ZNF804A: variants seen among roughly 807,000 people sequenced by gnomAD.
ZNF804A encodes zinc finger protein 804A.
Under a neutral mutation model 16.5 loss-of-function variants are expected in ZNF804A, and 2 were observed. The observed-to-expected ratio is 0.12, with a 90% CI of 0.05 to 0.38. The LOEUF is 0.38. ZNF804A is among the 10% of genes least tolerant of loss of function. The pLI is 0.99. For synonymous variants in ZNF804A, 534 were observed against 489.6 expected, an observed-to-expected ratio of 1.09 and a Z score of -1.20; for missense variants, 1,473 against 1,390.7, an observed-to-expected ratio of 1.06 and a Z score of -0.94.
intron 1 of ZNF804A, among the ~76,000 whole-genome samples, chr2:184,725,338 T>C (rs1693390714): frequency 6.6e-6 from 1 of 151,742 alleles, no homozygotes; most frequent in South Asian, 2.1e-4. Flanking sequence ...AGCATCAGTA[T>C]GATCTTCTCT....
intron 2 of ZNF804A, among the ~76,000 whole-genome samples, chr2:184,911,036 A>T (rs2105831819): frequency 6.6e-6 from 1 of 152,180 alleles, no homozygotes; most frequent in East Asian, 1.9e-4. Context: ...GGACTTAGTC[A>T]TAAATTCTTT....
chr2:184,677,391 G>A (rs1425712960), intron 1 of ZNF804A, among the ~76,000 whole-genome samples: 1 of 151,842 alleles, frequency 6.6e-6, no homozygotes, highest in Non-Finnish European at 1.5e-5. Context: ...TCAGAATTGG[G>A]TAAATTGCTC....
chr2:184,776,363 G>C (rs566349738), intron 1 of ZNF804A, among the ~76,000 whole-genome samples: 1 of 151,538 alleles, frequency 6.6e-6, no homozygotes, highest in South Asian at 2.1e-4. Flanking sequence ...GACGGCAACA[G>C]TATAGATAGA....
intron 1 of ZNF804A, among the ~76,000 whole-genome samples, chr2:184,775,567 T>C (rs1694273450): frequency 6.6e-6 from 1 of 151,694 alleles, no homozygotes; most frequent in Admixed American, 6.6e-5. Context: ...CCTGAGCCAA[T>C]TTTGGTAAAT....
chr2:184,602,217 C>A (rs1691061502), intron 1 of ZNF804A, among the ~76,000 whole-genome samples: 1 of 151,912 alleles, frequency 6.6e-6, no homozygotes, highest in Non-Finnish European at 1.5e-5. Context: ...AAATATATTC[C>A]TTTTGCCAAT....
chr2:184,871,017 G>A (rs757173982), intron 2 of ZNF804A, among the ~76,000 whole-genome samples: 8 of 151,110 alleles, frequency 5.3e-5, no homozygotes, highest in Non-Finnish European at 8.8e-5. Flanking sequence ...TGATTTAAGA[G>A]CAAATAACAC....
chr2:184,662,815 A>G (rs999704828), intron 1 of ZNF804A, among the ~76,000 whole-genome samples: 6 of 152,222 alleles, frequency 3.9e-5, no homozygotes, highest in Non-Finnish European at 8.8e-5. Flanking sequence ...ATGTTATGCC[A>G]CCTAACCTTG....
chr2:184,784,478 T>C (rs1694419546), intron 1 of ZNF804A, among the ~76,000 whole-genome samples: 1 of 151,932 alleles, frequency 6.6e-6, no homozygotes. Context: ...TCAAAAGGTT[T>C]TGTTGGTTTG....
At chr2:184,783,151 T>TTTG (rs1182320884) in intron 1 of ZNF804A, among the ~76,000 whole-genome samples, 2 of 143,630 alleles carry the variant, frequency 1.4e-5, no homozygotes, top group Non-Finnish European at 3.1e-5. Flanking sequence ...TTTTTTTTTT[T>TTTG]TTTTTTTTTT....
At chr2:184,646,590 C>A (rs1284545267) in intron 1 of ZNF804A, among the ~76,000 whole-genome samples, 1 of 152,204 alleles carries the variant, frequency 6.6e-6, no homozygotes, top group African/African-American at 2.4e-5. Flanking sequence ...AGCACCTGCT[C>A]ACTTAGATCA....
At chr2:184,861,622 A>G (rs2105808948) in intron 1 of ZNF804A, among the ~76,000 whole-genome samples, 1 of 152,296 alleles carries the variant, frequency 6.6e-6, no homozygotes, top group South Asian at 2.1e-4. Flanking sequence ...TCCCTCAGAG[A>G]GCTCACACTT....
chr2:184,926,885 C>T (rs1200081271), intron 2 of ZNF804A, among the ~76,000 whole-genome samples: 1 of 152,104 alleles, frequency 6.6e-6, no homozygotes, highest in Non-Finnish European at 1.5e-5. Context: ...TTAAATTTAG[C>T]TTGTAGAATT....
At chr2:184,867,396 A>G (rs957003318) in intron 2 of ZNF804A, among the ~76,000 whole-genome samples, 5 of 152,140 alleles carry the variant, frequency 3.3e-5, no homozygotes, top group Admixed American at 6.6e-5. Flanking sequence ...ACTTTCTGTT[A>G]TATCAGAGTT....
At chr2:184,703,795 G>A (rs1373055385) in intron 1 of ZNF804A, among the ~76,000 whole-genome samples, 2 of 151,386 alleles carry the variant, frequency 1.3e-5, no homozygotes, top group African/African-American at 4.9e-5. Context: ...GAATGCTGCA[G>A]TATAGATATG....
At chr2:184,628,599 A>C in intron 1 of ZNF804A, among the ~76,000 whole-genome samples, 1 of 152,244 alleles carries the variant, frequency 6.6e-6, no homozygotes, top group African/African-American at 2.4e-5. Flanking sequence ...CAGTGAGAAC[A>C]TTATTGTTAC....
intron 1 of ZNF804A, among the ~76,000 whole-genome samples, chr2:184,636,946 C>G (rs1445334817): frequency 6.6e-6 from 1 of 152,044 alleles, no homozygotes; most frequent in Admixed American, 6.6e-5. Flanking sequence ...TATTTCAGCT[C>G]AGAATAACTT....
At chr2:184,912,903 T>A (rs1260805365) in intron 2 of ZNF804A, among the ~76,000 whole-genome samples, 1 of 152,128 alleles carries the variant, frequency 6.6e-6, no homozygotes, top group Admixed American at 6.6e-5. Context: ...ATCTTGATTT[T>A]ATCTTTGATG....
At chr2:184,770,428 A>G (rs1166126889) in intron 1 of ZNF804A, among the ~76,000 whole-genome samples, 1 of 152,112 alleles carries the variant, frequency 6.6e-6, no homozygotes, top group Admixed American at 6.6e-5. Context: ...CTTCAGCATT[A>G]GTAGCCATAT....
intron 1 of ZNF804A, among the ~76,000 whole-genome samples, chr2:184,789,324 G>A (rs1168959430): frequency 3.3e-5 from 5 of 152,004 alleles, no homozygotes; most frequent in African/African-American, 1.2e-4. Context: ...CCTGATTTTT[G>A]TGTAAGGATG....
Sources: allele counts gnomAD v4.1 joint callset (sites outside exome capture counted in the v4.1 genomes callset), GRCh38; gene constraint gnomAD v4.1.1; transcripts MANE v1.5; gene names NCBI Gene and HGNC (gene_info 2026-07-23, HGNC 2026-07-21).